PLS1: variants seen among roughly 807,000 people sequenced by gnomAD.
PLS1 encodes plastin-1.
In PLS1, 32 loss-of-function variants were observed where a neutral mutation model predicts 73.7. That is an observed-to-expected ratio of 0.43 (90% CI 0.33 to 0.58). PLS1 has a LOEUF of 0.58. Among genes scored for constraint, PLS1 ranks in the 20% least tolerant of loss-of-function variants. PLS1 has a pLI of 0.04. For missense variants in PLS1, 633 were observed against 740.5 expected (o/e 0.85, Z 1.68); for synonymous variants, 217 against 261.3 (o/e 0.83, Z 1.63).
At chr3:142,671,345 A>G (rs1560060797) in intron 4 of PLS1, among the ~76,000 whole-genome samples, 1 of 152,202 alleles carries the variant, frequency 6.6e-6, no homozygotes, top group South Asian at 2.1e-4. Context: ...ATTGAAATCA[A>G]TGAGTTCCTG....
Position 142,676,252 on chromosome 3 carries a change from A to T in PLS1, c.460A>T (p.Ser154Cys). The T allele has an allele frequency of 6.2e-7, 1 of 1,613,360 alleles. No individual in the cohort carries two copies. Among genetic ancestry groups the T allele is most frequent in the Non-Finnish European group, 8.5e-7 (1 of 1,179,542 alleles). ...TATACCCATGAATCCCAATGATGATAGTCTTTTCAAGTCACTTGCAGATGG... is the reference window on the plus strand; with the variant it reads ...TATACCCATGAATCCCAATGATGATTGTCTTTTCAAGTCACTTGCAGATGG... ...HLIPMNPNDD[S>C]LFKSLADGIL... The change falls in exon 5 of 16, where the codon AGT (serine) becomes TGT (cysteine). Residue 154 changes from serine (S) to cysteine (C), a missense_variant. Transcript: ENST00000457734.
intron 1 of PLS1, among the ~76,000 whole-genome samples, chr3:142,647,820 ATTCT>A (rs1265344175): frequency 1.3e-5 from 2 of 152,072 alleles, no homozygotes; most frequent in Non-Finnish European, 1.5e-5. Flanking sequence ...TAGTCAGATG[ATTCT>A]TTCTTTCCTA....
At chr3:142,684,429 A>C (rs1251813194) in intron 8 of PLS1, 34 bp downstream of exon 8, 1 of 1,576,068 alleles carries the variant, frequency 6.3e-7, no homozygotes, top group Middle Eastern at 2.0e-4. Flanking sequence ...TGTGACATGA[A>C]ATAAGGATGT....
intron 1 of PLS1, among the ~76,000 whole-genome samples, chr3:142,599,520 G>A (rs1008229653): frequency 2.0e-5 from 3 of 151,168 alleles, no homozygotes; most frequent in Admixed American, 6.6e-5. Flanking sequence ...TAGTAGAGAC[G>A]GGGTTTCACC....
intron 1 of PLS1, among the ~76,000 whole-genome samples, chr3:142,636,626 A>T (rs929013533): frequency 2.6e-4 from 40 of 152,254 alleles, no homozygotes; most frequent in African/African-American, 9.6e-4. Flanking sequence ...AGCTATTAAG[A>T]GAATGAAATG....
chr3:142,602,240 G>A (rs2035940409), intron 1 of PLS1, among the ~76,000 whole-genome samples: 1 of 152,050 alleles, frequency 6.6e-6, no homozygotes, highest in African/African-American at 2.4e-5. Flanking sequence ...CTCTTTTGGG[G>A]TGGAGCTGTG....
intron 1 of PLS1, among the ~76,000 whole-genome samples, chr3:142,607,011 C>G (rs547909768): frequency 3.9e-5 from 6 of 152,096 alleles, no homozygotes. Flanking sequence ...ACTGCCAAAC[C>G]GTTTTCTGGA....
At chr3:142,630,970 C>CACACACACACACACACACAT (rs1388284832) in intron 1 of PLS1, among the ~76,000 whole-genome samples, 1 of 151,740 alleles carries the variant, frequency 6.6e-6, no homozygotes, top group Non-Finnish European at 1.5e-5. Context: ...CACACACACA[C>CACACACACACACACACACAT]ACATAGAGGG....
At chr3:142,629,841 A>T (rs974679289) in intron 1 of PLS1, among the ~76,000 whole-genome samples, 1 of 152,176 alleles carries the variant, frequency 6.6e-6, no homozygotes, top group Non-Finnish European at 1.5e-5. Flanking sequence ...CCTGTGTATT[A>T]TATGATGTTT....
intron 1 of PLS1, among the ~76,000 whole-genome samples, chr3:142,644,590 C>T (rs16852486): frequency 0.61 from 91,941 of 151,966 alleles, 28,223 homozygotes; most frequent in Non-Finnish European, 0.64. Context: ...TCTTTTGATG[C>T]GCATACTCTT....
At chr3:142,680,881 C>T (rs904768416) in intron 6 of PLS1, among the ~76,000 whole-genome samples, 1 of 152,186 alleles carries the variant, frequency 6.6e-6, no homozygotes, top group African/African-American at 2.4e-5. Context: ...AGCGCCAGAG[C>T]TCATTTCTTA....
intron 1 of PLS1, among the ~76,000 whole-genome samples, chr3:142,610,680 TC>T (rs1363665552): frequency 6.6e-6 from 1 of 152,196 alleles, no homozygotes; most frequent in Non-Finnish European, 1.5e-5. Context: ...GGCCTCAAAT[TC>T]CACCATTAGA....
In PLS1 at chr3:142,661,015, C is replaced by T. The variant is rs2037360008; in HGVS notation, c.-36-3187C>T. On this transcript the variant is annotated intron_variant, in intron 1 of 15. Coordinates refer to ENST00000457734, the MANE Select transcript of PLS1 (RefSeq NM_001145319.2). The stretch of plus-strand genomic sequence containing the variant: ...GAGTGCAAATGCTAAAATTGGGCCC[C>T]TATTTTTAAAACTTGAGGCAAGGGA... Among the ~76,000 whole-genome samples the T allele has an allele frequency of 2.6e-5, 4 of 152,052 alleles. No individual in the cohort carries two copies. The South Asian group carries it at 8.3e-4, about 32-fold the overall frequency.
At position 142,712,270 on chromosome 3, in the gene PLS1, TA is replaced by T; in HGVS notation, c.*267del. ...TCATGATTAAATTATTTTTGTTGCT[TA>T]AAAGTCGTATTAGACAAGACTAAAT... On this transcript the variant is annotated 3_prime_UTR_variant, in exon 16 of 16. Transcript: ENST00000457734. 3.5e-6 allele frequency: 1 copy of T among 288,232 alleles called. No individual in the cohort carries two copies. Among genetic ancestry groups the T allele is most frequent in the South Asian group, 1.1e-4 (1 of 9,298 alleles). The allele number at this position is 288,232 out of a possible 1,614,324, so 17.9% of individuals were successfully genotyped here.
At chr3:142,618,686 C>T (rs1471708508) in intron 1 of PLS1, among the ~76,000 whole-genome samples, 1 of 152,136 alleles carries the variant, frequency 6.6e-6, no homozygotes, top group Non-Finnish European at 1.5e-5. Flanking sequence ...TTTCCTTCAT[C>T]TTCATAGCCA....
chr3:142,695,297 C>G (rs2038171099), intron 11 of PLS1, among the ~76,000 whole-genome samples: 1 of 152,174 alleles, frequency 6.6e-6, no homozygotes, highest in African/African-American at 2.4e-5. Flanking sequence ...ATTAATGTCA[C>G]AACAGGCCAA....
intron 12 of PLS1, among the ~76,000 whole-genome samples, chr3:142,701,559 G>A (rs1420866725): frequency 2.0e-5 from 3 of 152,056 alleles, no homozygotes; most frequent in Non-Finnish European, 2.9e-5. Flanking sequence ...CTCTAGTTTG[G>A]TACCTCTCTA....
Position 142,684,021 on chromosome 3 carries a change from G to A in PLS1, c.595G>A (p.Ala199Thr), listed in dbSNP as rs2037909556. 7 of 1,607,684 alleles carry A rather than the reference G, an allele frequency of 4.4e-6. No individual in the cohort carries two copies. The highest frequency in any genetic ancestry group is 1.3e-5 in the African/African-American group (1 of 74,366). ...GGCAATTCAGGAAAATTTAAACCTA[G>A]CTCTGAATTCTGCCTCAGCCATTGG... ...PFTISENLNLALNSASAIGCT... is the reference protein window; with the variant it reads ...PFTISENLNLTLNSASAIGCT... The change falls in exon 7 of 16, where the codon GCT (alanine) becomes ACT (threonine). Residue 199 changes from alanine (A) to threonine (T), a missense_variant. Ala to Thr is a moderately conservative substitution (Grantham distance 58, BLOSUM62 0). Transcript: ENST00000457734.
intron 1 of PLS1, among the ~76,000 whole-genome samples, chr3:142,652,404 A>C (rs771649116): frequency 2.0e-4 from 30 of 152,168 alleles, no homozygotes; most frequent in Admixed American, 9.2e-4. Context: ...ATATACTTTT[A>C]ATCTAGTTTC....
Sources: allele counts gnomAD v4.1 joint callset (sites outside exome capture counted in the v4.1 genomes callset), GRCh38; gene constraint gnomAD v4.1.1; transcripts MANE v1.5; gene names NCBI Gene and HGNC (gene_info 2026-07-23, HGNC 2026-07-21).